The following SNX15 variants were observed in gnomAD, a reference collection of about 807,000 sequenced individuals.
SNX15 encodes the protein sorting nexin-15.
SNX15 carries 29 observed loss-of-function variants against 35.2 expected under a neutral mutation model. The ratio of observed to expected loss-of-function variants is 0.82; its 90% CI spans 0.61 to 1.12. SNX15 has a LOEUF of 1.12. Among genes scored for constraint, SNX15 ranks in the 50% most tolerant of loss-of-function variants. The pLI is 0.00. For synonymous variants in SNX15, 189 were observed against 188.2 expected (o/e 1.00, Z -0.03); for missense variants, 400 against 451.5 (o/e 0.89, Z 1.03).
Position 65,034,845 on chromosome 11 carries a change from AG to A in SNX15, c.257del. ...CCCTGTTCCTTGTCCTGGGGGCCGT[AG>A]GCCGGTTTGAAGCCTCAGTGATCGA... On this transcript the variant is annotated splice_acceptor_variant, in intron 3 of 7. Transcript: ENST00000377244. LOFTEE classifies it high-confidence loss of function. The A allele has an allele frequency of 6.2e-7, 1 of 1,613,078 alleles. No homozygotes were observed. The highest frequency in any genetic ancestry group is 8.5e-7 in the Non-Finnish European group (1 of 1,179,222).
intron 1 of SNX15, among the ~76,000 whole-genome samples, chr11:65,029,225 C>G (rs578248182): frequency 9.2e-5 from 14 of 151,958 alleles, no homozygotes; most frequent in East Asian, 3.9e-4. Flanking sequence ...GTGACTCGAT[C>G]TCAGCTCACT....
intron 6 of SNX15, chr11:65,038,308 G>C (rs187497570): frequency 8.6e-7 from 1 of 1,162,286 alleles, no homozygotes; most frequent in Non-Finnish European, 1.1e-6. Context: ...TAGGACCAGT[G>C]ACCCAGAGCT....
Position 65,027,475 on chromosome 11 carries a change from C to A in SNX15, c.-63C>A. 2 of 1,351,678 alleles carry A rather than the reference C, an allele frequency of 1.5e-6. No homozygotes were observed. Among genetic ancestry groups the A allele is most frequent in the Non-Finnish European group, 1.1e-6 (1 of 943,716 alleles). The allele number at this position is 1,351,678 out of a possible 1,614,324, so 83.7% of individuals were successfully genotyped here. ...GAGGCGGCGGCGGGCGGAGGCTGGG[C>A]CGGAGGGGTGGGGACGGCGAGGAGG... On this transcript the variant is annotated 5_prime_UTR_variant, in exon 1 of 8. Coordinates refer to ENST00000377244, the MANE Select transcript of SNX15 (RefSeq NM_013306.5).
chr11:65,038,827 C>G lies in SNX15; in HGVS notation c.920C>G (p.Pro307Arg). The G allele has an allele frequency of 6.3e-7, 1 of 1,577,878 alleles. No individual in the cohort carries two copies. The highest frequency in any genetic ancestry group is 1.2e-5 in the South Asian group (1 of 85,986). ...GTGCACGTCTTGCTTCAGGGAGTCCCCAGTGAGTAGGGACTGAGGGTGGAG... is the reference window on the plus strand; with the variant it reads ...GTGCACGTCTTGCTTCAGGGAGTCCGCAGTGAGTAGGGACTGAGGGTGGAG... ...DGVHVLLQGVPSDPLPARQEG... is the reference protein window; with the variant it reads ...DGVHVLLQGVRSDPLPARQEG... Residue 307 changes from proline (P) to arginine (R), a missense_variant and splice_region_variant, in exon 7 of 8, where the codon CCC becomes CGC. Pro to Arg is a moderately radical substitution (Grantham distance 103, BLOSUM62 -2). Transcript: ENST00000377244.
intron 4 of SNX15, 43 bp downstream of exon 4, chr11:65,035,005 C>T (rs766391135): frequency 1.2e-6 from 2 of 1,613,448 alleles, no homozygotes; most frequent in African/African-American, 1.3e-5. Context: ...GCCACTTACC[C>T]ACCCACCAGA....
At chr11:65,028,545 C>T (rs1283922136) in intron 1 of SNX15, among the ~76,000 whole-genome samples, 3 of 152,006 alleles carry the variant, frequency 2.0e-5, no homozygotes, top group Non-Finnish European at 4.4e-5. Flanking sequence ...CAAATAAGGC[C>T]GGGCTCAGTG....
At chr11:65,029,906 C>T (rs1471046162) in intron 1 of SNX15, among the ~76,000 whole-genome samples, 1 of 150,410 alleles carries the variant, frequency 6.6e-6, no homozygotes, top group Non-Finnish European at 1.5e-5. Flanking sequence ...ATTTTATTTG[C>T]GACGGGGTCT....
In SNX15 at chr11:65,039,029, C is replaced by CTTTTTTTTTTTTTTT. The variant is rs747153458; in HGVS notation, c.922+205_922+219dup. On this transcript the variant is annotated intron_variant, in intron 7 of 7. Transcript: ENST00000377244. The stretch of plus-strand genomic sequence containing the variant: ...TTGTGGCCTCAGTTTTCTTCTTCCT[C>CTTTTTTTTTTTTTTT]TTTTTTTTTTTTTTTTTTTGAGACA... 2.2e-4 allele frequency among the ~76,000 whole-genome samples: 16 copies of CTTTTTTTTTTTTTTT among 72,498 alleles called. 3 individuals carry two copies. Among genetic ancestry groups the CTTTTTTTTTTTTTTT allele is most frequent in the African/African-American group, 4.1e-4 (9 of 21,852 alleles). The allele number at this position is 72,498 out of a possible 152,430, so 47.6% of individuals were successfully genotyped here.
Position 65,038,602 on chromosome 11 carries a change from C to T in SNX15, c.695C>T (p.Ala232Val), listed in dbSNP as rs746200451. ...GCAGCCCCCAGCCCCACCCATGTGG[C>T]TGAGCTGGCAACGATGGAGGTGGAG... ...EGAAPSPTHVAELATMEVESA... is the reference protein window; with the variant it reads ...EGAAPSPTHVVELATMEVESA... The change falls in exon 7 of 8, where the codon GCT becomes GTT. Residue 232 changes from alanine (A) to valine (V), a missense_variant. Ala to Val is a moderately conservative substitution (Grantham distance 64, BLOSUM62 0). Transcript: ENST00000377244. The T allele has an allele frequency of 2.1e-5, 34 of 1,586,430 alleles. No individual in the cohort carries two copies. Among genetic ancestry groups the T allele is most frequent in the Non-Finnish European group, 2.6e-5 (30 of 1,165,290 alleles).
intron 2 of SNX15, 94 bp downstream of exon 2, chr11:65,032,297 C>T: frequency 1.3e-6 from 2 of 1,571,296 alleles, no homozygotes; most frequent in Non-Finnish European, 1.8e-6. Flanking sequence ...CATCGGCCCT[C>T]CTTCCTCCCT....
At chr11:65,030,906 A>G (rs1197948272) in intron 1 of SNX15, among the ~76,000 whole-genome samples, 1 of 152,136 alleles carries the variant, frequency 6.6e-6, no homozygotes, top group Non-Finnish European at 1.5e-5. Flanking sequence ...TTTCTTACTT[A>G]GTGTGTGGTC....
chr11:65,031,907 A>G (rs541074859), intron 1 of SNX15, among the ~76,000 whole-genome samples: 2 of 152,284 alleles, frequency 1.3e-5, no homozygotes, highest in Admixed American at 6.5e-5. Flanking sequence ...AAAAAAAAAA[A>G]AGTTGGGCTG....
Position 65,032,514 on chromosome 11 carries a change from C to G in SNX15, c.219C>G (p.Leu73=), listed in dbSNP as rs777666275. 3.1e-6 allele frequency: 5 copies of G among 1,614,178 alleles called. No homozygotes were observed. Among genetic ancestry groups the G allele is most frequent in the East Asian group, 2.2e-5 (1 of 44,874 alleles). The change falls in exon 3 of 8, where the codon CTC becomes CTG. Residue 73 remains leucine, a synonymous_variant. Coordinates refer to ENST00000377244, the MANE Select transcript of SNX15 (RefSeq NM_013306.5). ...CCCACCGCAACCTCTTCCGCCGCCT[C>G]GAGGAGTTCCCTGCTTTCCCCCGGG... is the stretch of plus-strand genomic sequence containing the variant. ...AYTHRNLFRR[L]EEFPAFPRAQ...
Position 65,039,958 on chromosome 11 carries a change from C to T in SNX15, c.*166C>T, listed in dbSNP as rs896833495. On this transcript the variant is annotated 3_prime_UTR_variant, in exon 8 of 8. Transcript: ENST00000377244. ...ATGAATTCTTAGCTCCCTGATTACA[C>T]CTGCCACCTTGGAATCAAGGACTCA... 2 of 559,288 alleles carry T rather than the reference C, an allele frequency of 3.6e-6. No individual in the cohort carries two copies. The highest frequency in any genetic ancestry group is 3.8e-5 in the African/African-American group (2 of 52,928). The allele number at this position is 559,288 out of a possible 1,614,324, so 34.6% of individuals were successfully genotyped here.
intron 5 of SNX15, 150 bp downstream of exon 5, chr11:65,035,356 C>T: frequency 8.0e-7 from 1 of 1,254,824 alleles, no homozygotes; most frequent in African/African-American, 1.5e-5. Context: ...AGGTCCTTTT[C>T]CTTCTCTGTG....
In SNX15 at chr11:65,027,455, G is replaced by A; in HGVS notation, c.-83G>A. The A allele has an allele frequency of 1.8e-6, 2 of 1,087,914 alleles. No individual in the cohort carries two copies. Among genetic ancestry groups the A allele is most frequent in the Non-Finnish European group, 2.8e-6 (2 of 705,912 alleles). 67.4% of individuals were successfully genotyped at this position (1,087,914 alleles called of 1,614,324 possible). ...AAGAAGAGCGCAGGCCTGGCGAGGC[G>A]GCGGCGGGCGGAGGCTGGGCCGGAG... On this transcript the variant is annotated 5_prime_UTR_variant, in exon 1 of 8. Coordinates refer to ENST00000377244, the MANE Select transcript of SNX15 (RefSeq NM_013306.5).
intron 6 of SNX15, chr11:65,037,709 C>T (rs1372522734): frequency 6.6e-6 from 1 of 152,274 alleles, no homozygotes; most frequent in African/African-American, 2.4e-5. Context: ...CTGTGTCTCC[C>T]TTCTTCACAG....
chr11:65,027,646 G>C lies in SNX15; in HGVS notation c.99+10G>C, dbSNP rs750121081. 6 of 1,604,562 alleles carry C rather than the reference G, an allele frequency of 3.7e-6. No homozygotes were observed. Among genetic ancestry groups the C allele is most frequent in the African/African-American group, 2.7e-5 (2 of 74,748 alleles). ...CAAAGTAACCGCGCAGGTGAGGTGG[G>C]GCCCAGCGCGTACTTTACCCTTTTA... On this transcript the variant is annotated intron_variant, in intron 1 of 7. Transcript: ENST00000377244.
At chr11:65,039,486 T>C (rs1946551139) in intron 7 of SNX15, among the ~76,000 whole-genome samples, 200 bp from the exon 8 acceptor site, 1 of 151,796 alleles carries the variant, frequency 6.6e-6, no homozygotes, top group Non-Finnish European at 1.5e-5. Context: ...CCTCCCAAAG[T>C]GCTGGGATTA....
Sources: allele counts gnomAD v4.1 joint callset (sites outside exome capture counted in the v4.1 genomes callset), GRCh38; gene constraint gnomAD v4.1.1; transcripts MANE v1.5; gene names NCBI Gene and HGNC (gene_info 2026-07-23, HGNC 2026-07-21).